The following MACROD2 variants were observed in gnomAD, a reference collection of about 807,000 sequenced individuals.
MACROD2 encodes mono-ADP ribosylhydrolase 2.
MACROD2 carries 36 observed loss-of-function variants against 70.4 expected under a neutral mutation model. The ratio of observed to expected loss-of-function variants is 0.51; its 90% CI spans 0.39 to 0.68. The LOEUF (loss-of-function observed/expected upper bound fraction) is 0.68. Ranked by LOEUF, MACROD2 falls within the 30% of genes least tolerant of loss-of-function variation. MACROD2 has a pLI of 0.00. For missense variants in MACROD2, 496 were observed against 538.4 expected, an observed-to-expected ratio of 0.92 and a Z score of 0.78; for synonymous variants, 172 against 178.8, an observed-to-expected ratio of 0.96 and a Z score of 0.30.
intron 5 of MACROD2, among the ~76,000 whole-genome samples, chr20:15,090,020 T>G (rs1234372108): frequency 6.6e-6 from 1 of 151,802 alleles, no homozygotes; most frequent in African/African-American, 2.4e-5. Flanking sequence ...TTCAGAGGAG[T>G]AGTTTAGATC....
chr20:15,349,114 T>C (rs1364760360), intron 6 of MACROD2, among the ~76,000 whole-genome samples: 1 of 152,196 alleles, frequency 6.6e-6, no homozygotes, highest in East Asian at 1.9e-4. Context: ...CTTTTTTAAC[T>C]TGGCCTTCAT....
chr20:15,227,251 T>C (rs1208049183), intron 5 of MACROD2, among the ~76,000 whole-genome samples: 3 of 152,204 alleles, frequency 2.0e-5, no homozygotes, highest in Admixed American at 1.3e-4. Flanking sequence ...TTAAGTTTTA[T>C]AGACGATGAT....
intron 4 of MACROD2, among the ~76,000 whole-genome samples, chr20:14,682,797 A>C (rs2070949959): frequency 6.6e-6 from 1 of 152,202 alleles, no homozygotes; most frequent in African/African-American, 2.4e-5. Context: ...TCATGTAATA[A>C]ATTTAAAAAG....
intron 12 of MACROD2, among the ~76,000 whole-genome samples, chr20:15,955,643 C>T (rs547872175): frequency 2.0e-5 from 3 of 152,172 alleles, no homozygotes; most frequent in African/African-American, 7.2e-5. Flanking sequence ...TCTAGAACAG[C>T]ACTGTCCAGT....
chr20:14,130,724 C>T (rs781261498), intron 3 of MACROD2, among the ~76,000 whole-genome samples: 6 of 151,878 alleles, frequency 4.0e-5, no homozygotes, highest in Non-Finnish European at 5.9e-5. Context: ...GCTTCACAGT[C>T]GGGATTTTTT....
intron 10 of MACROD2, among the ~76,000 whole-genome samples, chr20:15,922,765 C>G (rs1458246103): frequency 6.6e-6 from 1 of 152,214 alleles, no homozygotes; most frequent in Non-Finnish European, 1.5e-5. Flanking sequence ...ACTCATCTGT[C>G]TCCCCAGCAT....
At chr20:15,976,477 C>T (rs1047809642) in intron 13 of MACROD2, among the ~76,000 whole-genome samples, 3 of 152,150 alleles carry the variant, frequency 2.0e-5, no homozygotes, top group African/African-American at 7.2e-5. Context: ...TCAACTAGTC[C>T]GAATGTGAAG....
At chr20:15,481,066 C>CTTT (rs757141140) in intron 7 of MACROD2, among the ~76,000 whole-genome samples, 14 of 152,218 alleles carry the variant, frequency 9.2e-5, no homozygotes, top group Admixed American at 2.0e-4. Context: ...CCATAGCATT[C>CTTT]TTCAAACATG....
intron 5 of MACROD2, among the ~76,000 whole-genome samples, chr20:15,224,188 A>G (rs1601253952): frequency 6.6e-6 from 1 of 152,184 alleles, no homozygotes; most frequent in African/African-American, 2.4e-5. Context: ...AGAAGGTCTG[A>G]CCCATAGAAG....
intron 6 of MACROD2, among the ~76,000 whole-genome samples, chr20:15,344,727 C>A (rs999497936): frequency 6.6e-6 from 1 of 152,110 alleles, no homozygotes. Flanking sequence ...TTCACACTTT[C>A]TTGGTGTTAA....
At chr20:15,615,638 C>T (rs1011498091) in intron 8 of MACROD2, among the ~76,000 whole-genome samples, 9 of 152,166 alleles carry the variant, frequency 5.9e-5, no homozygotes, top group African/African-American at 2.2e-4. Context: ...CCACAGGCCA[C>T]ACACTACCAC....
chr20:14,163,785 C>A (rs914632454), intron 3 of MACROD2, among the ~76,000 whole-genome samples: 2 of 151,504 alleles, frequency 1.3e-5, no homozygotes, highest in East Asian at 3.9e-4. Context: ...AATTCTTCAG[C>A]TCCAGAATTT....
At chr20:14,640,894 G>A (rs914364341) in intron 4 of MACROD2, among the ~76,000 whole-genome samples, 1 of 152,290 alleles carries the variant, frequency 6.6e-6, no homozygotes, top group South Asian at 2.1e-4. Context: ...TGAATGATCA[G>A]GGTGGTGGTT....
At position 15,765,122 on chromosome 20, in the gene MACROD2, T is replaced by C. The variant is rs548396052; in HGVS notation, c.646-97623T>C. ...TCTTGTCTAGCTACCCTATCAGACATAGCCCTCCATGCTCTATAGGCTCTT... is the reference window on the plus strand; with the variant it reads ...TCTTGTCTAGCTACCCTATCAGACACAGCCCTCCATGCTCTATAGGCTCTT... On this transcript the variant is annotated intron_variant, in intron 8 of 17. Coordinates refer to ENST00000684519, the MANE Select transcript of MACROD2 (RefSeq NM_001351661.2). Among the ~76,000 whole-genome samples, 115 of 152,314 alleles carry C rather than the reference T, an allele frequency of 7.6e-4. 1 individual carries two copies. Among genetic ancestry groups the C allele is most frequent in the Admixed American group, 7.0e-3 (107 of 15,306 alleles).
At chr20:14,000,817 T>C (rs1009814719) in intron 1 of MACROD2, among the ~76,000 whole-genome samples, 1 of 152,226 alleles carries the variant, frequency 6.6e-6, no homozygotes, top group East Asian at 1.9e-4. Flanking sequence ...TAGTAGTCTA[T>C]AGGATAAAGG....
At chr20:14,156,657 G>T (rs1161663804) in intron 3 of MACROD2, among the ~76,000 whole-genome samples, 1 of 151,982 alleles carries the variant, frequency 6.6e-6, no homozygotes, top group African/African-American at 2.4e-5. Context: ...TATTTAAATT[G>T]CTTTCTATGT....
chr20:15,587,015 A>G (rs1056709433), intron 8 of MACROD2, among the ~76,000 whole-genome samples: 3 of 152,230 alleles, frequency 2.0e-5, no homozygotes, highest in Non-Finnish European at 4.4e-5. Context: ...TAAATAAGAA[A>G]TAAATTCAAT....
intron 3 of MACROD2, among the ~76,000 whole-genome samples, chr20:14,215,337 TACACACACACACACACAC>T (rs199684417): frequency 3.8e-5 from 5 of 131,044 alleles, no homozygotes; most frequent in African/African-American, 8.7e-5. Flanking sequence ...CCATCATATA[TACACACACACACACACAC>T]ACACACACAC....
intron 4 of MACROD2, among the ~76,000 whole-genome samples, chr20:14,641,853 C>A (rs1985115910): frequency 6.6e-6 from 1 of 152,054 alleles, no homozygotes; most frequent in Admixed American, 6.6e-5. Flanking sequence ...TCTTAAGGAA[C>A]CAAGGATTTT....
Sources: gnomAD v4.1 joint callset for allele counts (sites outside exome capture counted in the v4.1 genomes callset) on GRCh38, gnomAD v4.1.1 for gene constraint, MANE v1.5 for transcripts, NCBI Gene and HGNC (gene_info 2026-07-23, HGNC 2026-07-21) for gene names.